Variants in HTT observed in about 807,000 individuals in gnomAD.
The protein encoded by HTT is huntington disease protein.
HTT carries 104 observed loss-of-function variants against 362.3 expected under a neutral mutation model. The ratio of observed to expected loss-of-function variants is 0.29; its 90% confidence interval spans 0.24 to 0.34. HTT has a LOEUF of 0.34. Among genes scored for constraint, HTT ranks in the 10% least tolerant of loss-of-function variants. The probability of loss-of-function intolerance (pLI) is 1.00; values close to 1 mark genes in which losing one functional copy is unlikely to be tolerated. For synonymous variants in HTT, 1,577 were observed against 1,548.7 expected, an observed-to-expected ratio of 1.02 and a Z score of -0.43; for missense variants, 3,301 against 3,928.6, an observed-to-expected ratio of 0.84 and a Z score of 4.27.
intron 28 of HTT, among the ~76,000 whole-genome samples, chr4:3,157,935 C>G (rs934312348): frequency 2.6e-5 from 4 of 151,776 alleles, no homozygotes; most frequent in Admixed American, 6.6e-5. Flanking sequence ...TCAGTAGTTT[C>G]ATTTATTATT....
chr4:3,196,180 A>G (rs1003600954), intron 40 of HTT, among the ~76,000 whole-genome samples: 7 of 152,164 alleles, frequency 4.6e-5, no homozygotes, highest in Non-Finnish European at 1.0e-4. Context: ...TGCCCACACC[A>G]TGCCCAGCAG....
intron 8 of HTT, 134 bp downstream of exon 8, chr4:3,116,397 C>G: frequency 1.4e-6 from 1 of 696,484 alleles, no homozygotes; most frequent in Non-Finnish European, 2.4e-6. Flanking sequence ...CGTTTCCAAC[C>G]CTAGGTGCTG....
chr4:3,095,879 A>G (rs1257025268), intron 2 of HTT, among the ~76,000 whole-genome samples: 1 of 152,252 alleles, frequency 6.6e-6, no homozygotes, highest in African/African-American at 2.4e-5. Context: ...GCTTGATGGT[A>G]GATTTCAACC....
rs1404073242 is a variant in HTT at position 3,148,046 on chromosome 4, G to C, written c.3337G>C (p.Glu1113Gln). The C allele has an allele frequency of 1.2e-6, 2 of 1,614,096 alleles. No individual in the cohort carries two copies. Among genetic ancestry groups the C allele is most frequent in the Non-Finnish European group, 1.7e-6 (2 of 1,179,994 alleles). ...KSLRSSWASE[E>Q]EANPAATKQE... is the part of the protein sequence containing the mutation. ...TCTGAGAAGTTCATGGGCCTCTGAAGAAGAAGCCAACCCAGCAGCCACCAA... is the reference window on the plus strand; with the variant it reads ...TCTGAGAAGTTCATGGGCCTCTGAACAAGAAGCCAACCCAGCAGCCACCAA... Residue 1113 changes from glutamate to glutamine, a missense_variant, in exon 26 of 67, where the codon GAA becomes CAA. Transcript: ENST00000355072.
In HTT at chr4:3,116,115, C is replaced by T. The variant is rs375799747; in HGVS notation, c.920C>T (p.Ser307Phe). Residue 307 changes from serine to phenylalanine, a missense_variant, in exon 8 of 67, where the codon TCC (serine) becomes TTC (phenylalanine). Transcript: ENST00000355072. Reference sequence around the variant, plus strand: ...CTCGTTCCTGTCGAGGATGAACACTCCACTCTGCTGATTCTTGGCGTGCTG... The same window carrying T: ...CTCGTTCCTGTCGAGGATGAACACTTCACTCTGCTGATTCTTGGCGTGCTG... ...GLLVPVEDEH[S>F]TLLILGVLLT... is the part of the protein sequence containing the mutation. The T allele has an allele frequency of 4.0e-5, 64 of 1,613,070 alleles. No homozygotes were observed. Among genetic ancestry groups the T allele is most frequent in the African/African-American group, 9.3e-5 (7 of 74,912 alleles).
rs1050901108 is a variant in HTT at position 3,208,702 on chromosome 4, A to G, written c.6153-71A>G. ...GTATATTTCTAGAATCCTAGTGTGCAGAGTTTAGACTAAGACTAAAAAAAA... is the reference window on the plus strand; with the variant it reads ...GTATATTTCTAGAATCCTAGTGTGCGGAGTTTAGACTAAGACTAAAAAAAA... On this transcript the variant is annotated intron_variant, in intron 45 of 66. Coordinates refer to ENST00000355072, the MANE Select transcript of HTT (RefSeq NM_001388492.1). The G allele has an allele frequency of 4.3e-6, 6 of 1,389,690 alleles. No homozygotes were observed. The African/African-American group carries it at 8.9e-5, about 21-fold the overall frequency. The allele number at this position is 1,389,690 out of a possible 1,614,324, so 86.1% of individuals were successfully genotyped here. A position where few individuals can be genotyped will look rare whatever the true frequency, so the allele number is the denominator to read the frequency against.
intron 14 of HTT, among the ~76,000 whole-genome samples, chr4:3,130,723 G>A (rs1438936055): frequency 2.0e-5 from 3 of 152,126 alleles, no homozygotes; most frequent in African/African-American, 4.8e-5. Flanking sequence ...GGCCTGCAAC[G>A]TTTCTTGTTT....
intron 4 of HTT, among the ~76,000 whole-genome samples, chr4:3,104,749 C>G (rs1714340517): frequency 6.6e-6 from 1 of 152,000 alleles, no homozygotes; most frequent in Admixed American, 6.6e-5. Context: ...GCTGTCTGTA[C>G]AGAAATTAGC....
At chr4:3,141,005 G>A (rs1716319777) in intron 22 of HTT, among the ~76,000 whole-genome samples, 1 of 152,156 alleles carries the variant, frequency 6.6e-6, no homozygotes, top group Non-Finnish European at 1.5e-5. Flanking sequence ...ATTCTATCAT[G>A]CCTGTTGATT....
Position 3,218,107 on chromosome 4 carries a change from C to T in HTT, c.7242+155C>T, listed in dbSNP as rs1720501313. On this transcript the variant is annotated intron_variant, in intron 52 of 66. Coordinates refer to ENST00000355072, the MANE Select transcript of HTT (RefSeq NM_001388492.1). This position sits in a 1 kb window ranked among gnomAD's most constrained non-coding sequence, Gnocchi z 4.4. ...CCACTGTGGTTCTGGTGCCAGGCTG[C>T]TTTCCTCAGGCACCACGTGTGGAGG... is the stretch of plus-strand genomic sequence containing the variant. Among the ~76,000 whole-genome samples, 1 of 152,354 alleles carries T rather than the reference C, an allele frequency of 6.6e-6. No homozygotes were observed. The highest frequency in any genetic ancestry group is 1.5e-5 in the Non-Finnish European group (1 of 68,028).
chr4:3,220,092 C>G, intron 52 of HTT, 90 bp from the exon 53 acceptor site: 1 of 1,436,306 alleles, frequency 7.0e-7, no homozygotes, highest in Non-Finnish European at 9.7e-7. Context: ...AGGAGGGAGC[C>G]CAGTGGAGAG....
At chr4:3,098,751 C>G (rs1713995247) in intron 2 of HTT, among the ~76,000 whole-genome samples, 1 of 152,126 alleles carries the variant, frequency 6.6e-6, no homozygotes, top group Admixed American at 6.5e-5. Flanking sequence ...TATACTTTGG[C>G]CCATACCGAA....
chr4:3,195,615 G>A (rs982101272), intron 40 of HTT, among the ~76,000 whole-genome samples: 2 of 151,986 alleles, frequency 1.3e-5, no homozygotes, highest in Non-Finnish European at 2.9e-5. Context: ...TCTCAGCCAC[G>A]TTCTCAGTGC....
intron 19 of HTT, among the ~76,000 whole-genome samples, chr4:3,134,839 C>T (rs2110192020): frequency 6.6e-6 from 1 of 152,290 alleles, no homozygotes; most frequent in South Asian, 2.1e-4. Flanking sequence ...AAGTGGTCCT[C>T]CTGCCTCAGC....
chr4:3,223,591 C>T, intron 55 of HTT, 31 bp downstream of exon 55: 1 of 1,571,550 alleles, frequency 6.4e-7, no homozygotes, highest in African/African-American at 1.4e-5. Flanking sequence ...GTCTCTGGGA[C>T]ATAGCAGGTG....
Position 3,158,645 on chromosome 4 carries a change from T to A in HTT, c.3753+1446T>A, listed in dbSNP as rs1436131613. On this transcript the variant is annotated intron_variant, in intron 28 of 66. Coordinates refer to ENST00000355072, the MANE Select transcript of HTT (RefSeq NM_001388492.1). ...GTTACTAATAGTTACTTCTTATGGGTTTTTTTTCCCCTGAAAATCATTTAT... is the reference window on the plus strand; with the variant it reads ...GTTACTAATAGTTACTTCTTATGGGATTTTTTTCCCCTGAAAATCATTTAT... Among the ~76,000 whole-genome samples, 3 of 129,074 alleles carry A rather than the reference T, an allele frequency of 2.3e-5. No individual in the cohort carries two copies. In the South Asian group the frequency reaches 8.3e-4, roughly 36 times the overall value. The allele number at this position is 129,074 out of a possible 152,430, so 84.7% of individuals were successfully genotyped here. A position where few individuals can be genotyped will look rare whatever the true frequency, so the allele number is the denominator to read the frequency against.
chr4:3,176,025 G>GTTTTTTTTTTTTTTTTTT (rs777646822), intron 33 of HTT, among the ~76,000 whole-genome samples: 9 of 139,130 alleles, frequency 6.5e-5, no homozygotes, highest in African/African-American at 1.8e-4. Context: ...GTTGTTGTTT[G>GTTTTTTTTTTTTTTTTTT]TTTTTTTTTG....
At chr4:3,224,239 G>A in intron 56 of HTT, 108 bp downstream of exon 56, 1 of 1,176,402 alleles carries the variant, frequency 8.5e-7, no homozygotes, top group Non-Finnish European at 1.2e-6. Context: ...TGTGGTCTGA[G>A]TTGGAGGCTG....
chr4:3,233,437 G>A, intron 61 of HTT, 84 bp downstream of exon 61: 1 of 1,364,536 alleles, frequency 7.3e-7, no homozygotes, highest in Non-Finnish European at 1.0e-6. Context: ...CAAGTGCCCA[G>A]GCTCCTGGCC....
Sources: allele counts gnomAD v4.1 joint callset (sites outside exome capture counted in the v4.1 genomes callset), GRCh38; gene constraint gnomAD v4.1.1; non-coding constraint Gnocchi (gnomAD v3.1); transcripts MANE v1.5; gene names NCBI Gene and HGNC (gene_info 2026-07-23, HGNC 2026-07-21).